The following STAB2 variants were observed in gnomAD, a reference collection of about 807,000 sequenced individuals.
The protein encoded by STAB2 is stabilin-2.
A neutral mutation model predicts 338.1 loss-of-function variants in STAB2; 288 were observed. The ratio of observed to expected loss-of-function variants is 0.85; its 90% confidence interval spans 0.77 to 0.94. The LOEUF (loss-of-function observed/expected upper bound fraction) is 0.94. Among genes scored for constraint, STAB2 ranks in the 40% least tolerant of loss-of-function variants. The probability of loss-of-function intolerance (pLI) is 0.00; values close to 1 mark genes in which losing one functional copy is unlikely to be tolerated. For synonymous variants in STAB2, 1,202 were observed against 1,193.3 expected (o/e 1.01, Z -0.15); for missense variants, 3,141 against 3,210.1 (o/e 0.98, Z 0.52).
rs564950183 is a variant in STAB2 at position 103,737,771 on chromosome 12, C to T, written c.5688C>T (p.Phe1896=). ...GCCGCTGTGACACCTTTACTACTTT[C>T]GATGCCTCGGTCAGTCCTAAAAACA... ...LGGRCDTFTT[F]DASGECGSCV... The change falls in exon 53 of 69, where the codon TTC becomes TTT. Residue 1896 remains phenylalanine (F), a synonymous_variant. Transcript: ENST00000388887. 21 of 1,613,710 alleles carry T rather than the reference C, an allele frequency of 1.3e-5. No homozygotes were observed. Among genetic ancestry groups the T allele is most frequent in the African/African-American group, 1.2e-4 (9 of 74,834 alleles).
chr12:103,637,068 G>A, intron 6 of STAB2, 43 bp from the exon 7 acceptor site: 1 of 1,557,928 alleles, frequency 6.4e-7, no homozygotes, highest in Middle Eastern at 1.7e-4. Context: ...TTAAGAACTG[G>A]TTATTCTACT....
chr12:103,680,363 C>T (rs965609611), intron 25 of STAB2, among the ~76,000 whole-genome samples: 4 of 152,178 alleles, frequency 2.6e-5, no homozygotes, highest in African/African-American at 9.7e-5. Flanking sequence ...TTTTGGCCCA[C>T]ATGACTCTAA....
In STAB2 at chr12:103,763,548, G is replaced by A. The variant is rs769597240; in HGVS notation, c.7545G>A (p.Ser2515=). The A allele has an allele frequency of 9.3e-6, 15 of 1,614,040 alleles. No individual in the cohort carries two copies. Among genetic ancestry groups the A allele is most frequent in the South Asian group, 2.2e-5 (2 of 91,078 alleles). ...ALGKQQPENI[S]NPLYESTTSA... ...GCAAGCAGCAGCCTGAGAATATCTCGAACCCCTTGTATGAGAGCACAACCT... is the reference window on the plus strand; with the variant it reads ...GCAAGCAGCAGCCTGAGAATATCTCAAACCCCTTGTATGAGAGCACAACCT... The change falls in exon 68 of 69, where the codon TCG becomes TCA. Residue 2515 remains serine (S), a synonymous_variant. Coordinates refer to ENST00000388887, the MANE Select transcript of STAB2 (RefSeq NM_017564.10).
At chr12:103,685,469 T>TGTGC (rs1191026139) in intron 27 of STAB2, among the ~76,000 whole-genome samples, 3 of 140,690 alleles carry the variant, frequency 2.1e-5, no homozygotes, top group East Asian at 2.5e-4. Flanking sequence ...TGCGTGTGTG[T>TGTGC]GTGCGTGCGC....
intron 60 of STAB2, among the ~76,000 whole-genome samples, chr12:103,752,122 G>A (rs1326402115): frequency 6.6e-6 from 1 of 151,958 alleles, no homozygotes; most frequent in Non-Finnish European, 1.5e-5. Flanking sequence ...GAAATAATCT[G>A]AGAATTGAAA....
At chr12:103,749,578 C>T (rs946667804) in intron 59 of STAB2, among the ~76,000 whole-genome samples, 1 of 151,586 alleles carries the variant, frequency 6.6e-6, no homozygotes, top group African/African-American at 2.4e-5. Context: ...GCCTGTAATC[C>T]CAGTACTTTG....
At chr12:103,635,686 C>T (rs1038209162) in intron 6 of STAB2, among the ~76,000 whole-genome samples, 21 of 152,232 alleles carry the variant, frequency 1.4e-4, no homozygotes, top group African/African-American at 4.8e-4. Context: ...GAATCCCACA[C>T]AGCTGGTCTG....
At chr12:103,667,996 G>A (rs903541252) in intron 19 of STAB2, among the ~76,000 whole-genome samples, 50 of 152,198 alleles carry the variant, frequency 3.3e-4, no homozygotes, top group African/African-American at 1.1e-3. Flanking sequence ...AGTGTTTCTT[G>A]GAAAAAATGA....
chr12:103,666,272 C>G lies in STAB2; in HGVS notation c.2023-19C>G. 1 of 1,613,592 alleles carries G rather than the reference C, an allele frequency of 6.2e-7. No individual in the cohort carries two copies. The highest frequency in any genetic ancestry group is 8.5e-7 in the Non-Finnish European group (1 of 1,179,838). ...CTCTCATAGGGACACCTGCACTGAC[C>G]TCCTGTCTCTCCCTCCAGGGCACTT... On this transcript the variant is annotated intron_variant, in intron 18 of 68. Transcript: ENST00000388887.
At chr12:103,661,063 TC>T (rs891392775) in intron 17 of STAB2, among the ~76,000 whole-genome samples, 16 of 152,108 alleles carry the variant, frequency 1.1e-4, no homozygotes, top group African/African-American at 3.6e-4. Context: ...GTAATGAGTG[TC>T]CCCAAGAGGA....
At chr12:103,732,950 G>A in intron 50 of STAB2, 56 bp from the exon 51 acceptor site, 1 of 1,582,356 alleles carries the variant, frequency 6.3e-7, no homozygotes, top group Non-Finnish European at 8.6e-7. Flanking sequence ...CAGAACCCCT[G>A]CCCACATGTC....
In STAB2 at chr12:103,749,168, T is replaced by C. The variant is rs762988719; in HGVS notation, c.6438+12T>C. On this transcript the variant is annotated intron_variant, in intron 59 of 68. Coordinates refer to ENST00000388887, the MANE Select transcript of STAB2 (RefSeq NM_017564.10). ...AGATGACAGGCCCGGTGAGTCGCTC[T>C]TTCCCAGGGAAATTTGGGAGCAGCG... is the stretch of plus-strand genomic sequence containing the variant. The C allele has an allele frequency of 3.2e-6, 5 of 1,585,048 alleles. No individual in the cohort carries two copies. In the East Asian group the frequency reaches 1.1e-4, roughly 36 times the overall value.
At chr12:103,634,328 G>A (rs1957510324) in intron 6 of STAB2, among the ~76,000 whole-genome samples, 1 of 152,136 alleles carries the variant, frequency 6.6e-6, no homozygotes, top group African/African-American at 2.4e-5. Context: ...TTCAACATGA[G>A]GTCGCACTAA....
chr12:103,634,918 G>C (rs955197427), intron 6 of STAB2, among the ~76,000 whole-genome samples: 2 of 152,244 alleles, frequency 1.3e-5, no homozygotes, highest in African/African-American at 4.8e-5. Flanking sequence ...TTCCATCAGA[G>C]TGAACTAGTC....
At chr12:103,660,241 G>T (rs1003898991) in intron 15 of STAB2, 90 bp from the exon 16 acceptor site, 7 of 1,357,388 alleles carry the variant, frequency 5.2e-6, no homozygotes, top group Non-Finnish European at 7.4e-6. Context: ...CATTTTTCTT[G>T]ATTGTCTAAC....
At chr12:103,757,549 G>T (rs1322103743) in intron 63 of STAB2, among the ~76,000 whole-genome samples, 1 of 152,240 alleles carries the variant, frequency 6.6e-6, no homozygotes, top group African/African-American at 2.4e-5. Context: ...GCACCCCAGG[G>T]TCCCCCTTCT....
chr12:103,622,069 AC>A lies in STAB2; in HGVS notation c.447del (p.Cys150ValfsTer26). ...AGGGTTTGGTGGAACAGCCTGTGAA[AC>A]CTGTGCTGACGACAACTTATTTGGA... is the stretch of plus-strand genomic sequence containing the variant. ...QEGFGGTACE[T>X]CADDNLFGPS... On this transcript the variant is annotated frameshift_variant, in exon 5 of 69. Coordinates refer to ENST00000388887, the MANE Select transcript of STAB2 (RefSeq NM_017564.10). LOFTEE classifies it high-confidence loss of function. 1 of 1,614,196 alleles carries A rather than the reference AC, an allele frequency of 6.2e-7. No individual in the cohort carries two copies. The highest frequency in any genetic ancestry group is 1.6e-4 in the Middle Eastern group (1 of 6,062).
rs371078918 is a variant in STAB2 at position 103,742,440 on chromosome 12, C to T, written c.5917C>T (p.Arg1973Trp). ...AGGACCAGATGCCCCGTGTAATAAC[C>T]GGGGTGTCTGCCTTGATCAGTACTC... ...PGGPDAPCNN[R>W]GVCLDQYSAT... Residue 1973 changes from arginine to tryptophan, a missense_variant, in exon 56 of 69, where the codon CGG becomes TGG. Coordinates refer to ENST00000388887, the MANE Select transcript of STAB2 (RefSeq NM_017564.10). 1.1e-5 allele frequency: 18 copies of T among 1,613,976 alleles called. No individual in the cohort carries two copies. The highest frequency in any genetic ancestry group is 8.3e-5 in the Admixed American group (5 of 59,988).
chr12:103,594,062 T>C (rs1009331839), intron 2 of STAB2, among the ~76,000 whole-genome samples: 2 of 115,834 alleles, frequency 1.7e-5, no homozygotes, highest in Non-Finnish European at 3.8e-5. Context: ...CCTTCCTGCA[T>C]TGACTGCTAG....
Sources: gnomAD v4.1 joint callset for allele counts (sites outside exome capture counted in the v4.1 genomes callset) on GRCh38, gnomAD v4.1.1 for gene constraint, MANE v1.5 for transcripts, NCBI Gene and HGNC (gene_info 2026-07-23, HGNC 2026-07-21) for gene names.